Variants in IGSF23 observed in about 807,000 individuals in gnomAD.
IGSF23 encodes immunoglobulin superfamily, member 23.
In IGSF23, 14 loss-of-function variants were observed where a neutral mutation model predicts 17.8. That is an observed-to-expected ratio of 0.79 (90% CI 0.52 to 1.23). The LOEUF is 1.23. Among genes scored for constraint, IGSF23 ranks in the 50% most tolerant of loss-of-function variants. The pLI, the probability that IGSF23 is intolerant of heterozygous loss-of-function variation, is 0.00. For missense variants in IGSF23, 214 were observed against 241.7 expected (o/e 0.89, Z 0.76); for synonymous variants, 85 against 92.5 (o/e 0.92, Z 0.46).
chr19:44,629,632 CTTTTTTTTTTT>C (rs11344283), intron 3 of IGSF23, among the ~76,000 whole-genome samples: 2 of 114,126 alleles, frequency 1.8e-5, no homozygotes, highest in Non-Finnish European at 3.5e-5. Context: ...TATATGCTTT[CTTTTTTTTTTT>C]TTTTTTTTTG....
intron 1 of IGSF23, among the ~76,000 whole-genome samples, chr19:44,617,158 TC>T (rs1191795450): frequency 5.5e-4 from 24 of 43,410 alleles, no homozygotes; most frequent in African/African-American, 2.0e-3. Flanking sequence ...GCCCCACCCC[TC>T]CCCCCGCCCC....
chr19:44,621,162 A>C (rs982666852), intron 1 of IGSF23, among the ~76,000 whole-genome samples: 31 of 151,546 alleles, frequency 2.0e-4, no homozygotes, highest in African/African-American at 6.8e-4. Context: ...GTGCGCCCAT[A>C]GTCCCAGCTA....
chr19:44,616,166 T>C (rs1400910770), intron 1 of IGSF23, among the ~76,000 whole-genome samples: 4 of 152,172 alleles, frequency 2.6e-5, no homozygotes, highest in Admixed American at 2.0e-4. Flanking sequence ...TGGCTTTATA[T>C]GGGTCTACTT....
chr19:44,626,374 C>CT (rs1241350536), intron 2 of IGSF23, among the ~76,000 whole-genome samples: 2 of 152,226 alleles, frequency 1.3e-5, no homozygotes, highest in African/African-American at 4.8e-5. Context: ...CATTCATCAA[C>CT]TGCCCAGGAA....
chr19:44,613,680 AC>A lies in IGSF23; in HGVS notation c.38del (p.Pro13LeufsTer16). On this transcript the variant is annotated frameshift_variant, in exon 1 of 5. Coordinates refer to ENST00000402988, the MANE Select transcript of IGSF23 (RefSeq NM_001205280.2). LOFTEE classifies it high-confidence loss of function. Reference sequence around the variant, plus strand: ...AAACCTCAGAGCCCCCTTCCCAGGAACCCTGTCCCAGCCTGGTCCCCACCCA... The same window carrying A: ...AAACCTCAGAGCCCCCTTCCCAGGAACCTGTCCCAGCCTGGTCCCCACCCA... ...RAKPQSPLPRNPVPAWSPPTT... is the reference protein window; with the variant it reads ...RAKPQSPLPRXPVPAWSPPTT... The A allele has an allele frequency of 6.5e-7, 1 of 1,550,210 alleles. No homozygotes were observed. Among genetic ancestry groups the A allele is most frequent in the Non-Finnish European group, 8.7e-7 (1 of 1,146,808 alleles).
At chr19:44,624,665 C>T (rs1208774482) in intron 2 of IGSF23, among the ~76,000 whole-genome samples, 1 of 152,142 alleles carries the variant, frequency 6.6e-6, no homozygotes, top group African/African-American at 2.4e-5. Flanking sequence ...CTGGACCAGG[C>T]TACCTGGGTC....
intron 1 of IGSF23, among the ~76,000 whole-genome samples, chr19:44,615,694 G>A (rs540923426): frequency 2.6e-5 from 4 of 151,202 alleles, no homozygotes; most frequent in African/African-American, 7.3e-5. Context: ...TCAAAGCTTT[G>A]CTCTGTCCCC....
intron 3 of IGSF23, among the ~76,000 whole-genome samples, chr19:44,632,820 T>G (rs35341765): frequency 2.8e-4 from 42 of 152,244 alleles, no homozygotes; most frequent in Non-Finnish European, 1.3e-4. Context: ...TAGACTCAAT[T>G]GTGTATGGGC....
At chr19:44,626,318 C>A (rs568969125) in intron 2 of IGSF23, among the ~76,000 whole-genome samples, 79 of 152,254 alleles carry the variant, frequency 5.2e-4, no homozygotes, top group African/African-American at 1.9e-3. Flanking sequence ...ACCTAGTGAC[C>A]CTGATATTCA....
intron 1 of IGSF23, among the ~76,000 whole-genome samples, chr19:44,616,833 A>G (rs1972390291): frequency 6.6e-6 from 1 of 151,120 alleles, no homozygotes; most frequent in South Asian, 2.1e-4. Flanking sequence ...GGAAATAAAT[A>G]AATATATATA....
At position 44,613,610 on chromosome 19, in the gene IGSF23, C is replaced by CAGA; in HGVS notation, c.-36_-35insAGA. The CAGA allele has an allele frequency of 4.7e-6, 7 of 1,495,292 alleles. No individual in the cohort carries two copies. Among genetic ancestry groups the CAGA allele is most frequent in the Non-Finnish European group, 6.3e-6 (7 of 1,111,690 alleles). The allele number at this position is 1,495,292 out of a possible 1,614,324, so 92.6% of individuals were successfully genotyped here. ...GATAGGAGCGGGCGATTCTGCTTCT[C>CAGA]CCTCCATCTCCCGGCGGGGATTGTA... On this transcript the variant is annotated 5_prime_UTR_variant, in exon 1 of 5. Transcript: ENST00000402988.
chr19:44,616,480 A>C (rs991594412), intron 1 of IGSF23, among the ~76,000 whole-genome samples: 7 of 152,122 alleles, frequency 4.6e-5, no homozygotes, highest in Admixed American at 4.6e-4. Flanking sequence ...GGCGGATCAC[A>C]AGGTCAGGAG....
rs549123748 is a variant in IGSF23, at chr19:44,632,460, G to A, written c.546-2941G>A. 12 of 155,366 alleles carry A rather than the reference G, an allele frequency of 7.7e-5. No homozygotes were observed. The South Asian group carries it at 2.1e-3, about 27-fold the overall frequency. The allele number at this position is 155,366 out of a possible 1,614,324, so 9.6% of individuals were successfully genotyped here. A position where few individuals can be genotyped will look rare whatever the true frequency, so the allele number is the denominator to read the frequency against. ...CTCCAGCTGGGTGGCTGTGTTCGACGGGTGTTTCTCGTGACAGTTGGGGTC... is the reference window on the plus strand; with the variant it reads ...CTCCAGCTGGGTGGCTGTGTTCGACAGGTGTTTCTCGTGACAGTTGGGGTC... On this transcript the variant is annotated intron_variant, in intron 3 of 4. Transcript: ENST00000402988.
intron 1 of IGSF23, among the ~76,000 whole-genome samples, chr19:44,617,099 G>T (rs1316057545): frequency 6.6e-6 from 1 of 151,806 alleles, no homozygotes; most frequent in Non-Finnish European, 1.5e-5. Context: ...GCCTCACTCA[G>T]TTGCCCAGGC....
intron 2 of IGSF23, among the ~76,000 whole-genome samples, chr19:44,626,455 G>T (rs1472188521): frequency 1.3e-5 from 2 of 152,224 alleles, no homozygotes; most frequent in Non-Finnish European, 2.9e-5. Flanking sequence ...GACAGCTGCA[G>T]CCCTGCCTTC....
chr19:44,613,628 G>C lies in IGSF23; in HGVS notation c.-18G>C. On this transcript the variant is annotated 5_prime_UTR_variant, in exon 1 of 5. Coordinates refer to ENST00000402988, the MANE Select transcript of IGSF23 (RefSeq NM_001205280.2). Reference sequence around the variant, plus strand: ...TGCTTCTCCCTCCATCTCCCGGCGGGGATTGTACGGTGAGAGAATGAGAGC... The same window carrying C: ...TGCTTCTCCCTCCATCTCCCGGCGGCGATTGTACGGTGAGAGAATGAGAGC... 6.5e-7 allele frequency: 1 copy of C among 1,536,400 alleles called. No homozygotes were observed. Among genetic ancestry groups the C allele is most frequent in the African/African-American group, 1.4e-5 (1 of 72,902 alleles).
At chr19:44,626,063 T>C (rs1972640126) in intron 2 of IGSF23, among the ~76,000 whole-genome samples, 1 of 152,070 alleles carries the variant, frequency 6.6e-6, no homozygotes, top group Non-Finnish European at 1.5e-5. Flanking sequence ...AGTATGAAAA[T>C]GGACTACCAT....
chr19:44,631,352 C>T (rs972806598), intron 3 of IGSF23, among the ~76,000 whole-genome samples: 1 of 152,166 alleles, frequency 6.6e-6, no homozygotes, highest in African/African-American at 2.4e-5. Context: ...CTTTGGGAGG[C>T]CGAGGCAGGA....
chr19:44,616,533 T>TA (rs1352754026), intron 1 of IGSF23, among the ~76,000 whole-genome samples: 2 of 151,572 alleles, frequency 1.3e-5, no homozygotes, highest in Admixed American at 1.3e-4. Context: ...CTGTCTCTAC[T>TA]AAAATACAAA....
Sources: allele counts gnomAD v4.1 joint callset (sites outside exome capture counted in the v4.1 genomes callset), GRCh38; gene constraint gnomAD v4.1.1; transcripts MANE v1.5; gene names NCBI Gene and HGNC (gene_info 2026-07-23, HGNC 2026-07-21).